MAGI2: variants seen among roughly 807,000 people sequenced by gnomAD.
MAGI2 encodes the protein membrane associated guanylate kinase, WW and PDZ domain containing 2.
A neutral mutation model predicts 133.3 loss-of-function variants in MAGI2; 35 were observed. The ratio of observed to expected loss-of-function variants is 0.26; its 90% CI spans 0.20 to 0.35. The LOEUF is 0.35. MAGI2 is among the 10% of genes least tolerant of loss of function. The pLI is 1.00. For synonymous variants in MAGI2, 729 were observed against 710.6 expected (o/e 1.03, Z -0.41); for missense variants, 1,636 against 1,863.4 (o/e 0.88, Z 2.25).
chr7:79,114,175 C>CTCTAATA (rs776631229), intron 1 of MAGI2, among the ~76,000 whole-genome samples: 3 of 152,164 alleles, frequency 2.0e-5, no homozygotes, highest in Non-Finnish European at 2.9e-5. Flanking sequence ...TTACTAAAGA[C>CTCTAATA]TCTAATATCC....
chr7:78,885,523 G>C (rs1036435363), intron 2 of MAGI2, among the ~76,000 whole-genome samples: 6 of 151,892 alleles, frequency 4.0e-5, no homozygotes, highest in Admixed American at 2.6e-4. Context: ...ACTTTAAGTG[G>C]AACAATCAAA....
At chr7:78,122,779 T>C (rs1305511673) in intron 20 of MAGI2, among the ~76,000 whole-genome samples, 1 of 152,180 alleles carries the variant, frequency 6.6e-6, no homozygotes, top group East Asian at 1.9e-4. Flanking sequence ...TCCCTCCAAA[T>C]GTCTCCTGAT....
At chr7:79,409,301 A>AT (rs1846002531) in intron 1 of MAGI2, among the ~76,000 whole-genome samples, 1 of 151,472 alleles carries the variant, frequency 6.6e-6, no homozygotes, top group African/African-American at 2.4e-5. Context: ...TCTCCCTCTT[A>AT]TTTTTTTAAG....
intron 1 of MAGI2, among the ~76,000 whole-genome samples, chr7:79,148,834 CATATATGTATGTTTTATATAT>C (rs1205645353): frequency 0.016 from 2,369 of 148,268 alleles, 72 homozygotes; most frequent in African/African-American, 0.055. Flanking sequence ...TATATATACA[CATATATGTATGTTTTATATAT>C]ATATATGTAT....
At position 78,311,603 on chromosome 7, in the gene MAGI2, T is replaced by C. The variant is rs1256601959; in HGVS notation, c.1408+32175A>G. ...ACAACTGAAGCTTTTAAAATTAGAA[T>C]GTCATCTGATGCATGAGAACATGTC... On this transcript the variant is annotated intron_variant, in intron 9 of 21. Transcript: ENST00000354212. Among the ~76,000 whole-genome samples, 6 of 152,312 alleles carry C rather than the reference T, an allele frequency of 3.9e-5. No homozygotes were observed. In the East Asian group the frequency reaches 9.6e-4, roughly 24 times the overall value.
chr7:78,820,857 G>T (rs1056244412), intron 2 of MAGI2, among the ~76,000 whole-genome samples: 1 of 151,860 alleles, frequency 6.6e-6, no homozygotes, highest in South Asian at 2.1e-4. Flanking sequence ...TTAGGCTACA[G>T]AAATAAGAAT....
At chr7:79,117,131 T>A (rs1468755099) in intron 1 of MAGI2, among the ~76,000 whole-genome samples, 1 of 152,312 alleles carries the variant, frequency 6.6e-6, no homozygotes, top group South Asian at 2.1e-4. Context: ...ATAATTTAAA[T>A]ATATATAATG....
rs199808505 is a variant in MAGI2 at position 79,015,352 on chromosome 7, C to T, written c.302-8146G>A. Among the ~76,000 whole-genome samples the T allele has an allele frequency of 7.2e-5, 11 of 151,824 alleles. No homozygotes were observed. The South Asian group carries it at 1.0e-3, about 14-fold the overall frequency. ...AGGTCAGTCCTCTAATATTTTTTTTCAACCTGCTGACACTTAAAAACTCTC... is the reference window on the plus strand; with the variant it reads ...AGGTCAGTCCTCTAATATTTTTTTTTAACCTGCTGACACTTAAAAACTCTC... On this transcript the variant is annotated intron_variant, in intron 1 of 21. Transcript: ENST00000354212.
intron 2 of MAGI2, among the ~76,000 whole-genome samples, chr7:78,840,234 T>C (rs959064824): frequency 1.3e-5 from 2 of 152,098 alleles, no homozygotes; most frequent in East Asian, 1.9e-4. Context: ...TAGAACTAAA[T>C]GGTCCTACAT....
intron 5 of MAGI2, among the ~76,000 whole-genome samples, chr7:78,492,304 A>G (rs897385488): frequency 2.0e-5 from 3 of 152,016 alleles, no homozygotes; most frequent in African/African-American, 7.2e-5. Context: ...TGACAGATTG[A>G]GTCTCTTATA....
intron 2 of MAGI2, among the ~76,000 whole-genome samples, chr7:78,711,023 T>G (rs1215523757): frequency 6.6e-6 from 1 of 152,180 alleles, no homozygotes; most frequent in Admixed American, 6.5e-5. Flanking sequence ...ATAAATTCTC[T>G]TTGTAGTCTA....
rs906792655 is a variant in MAGI2 at position 79,131,947 on chromosome 7, C to T, written c.302-124741G>A. Among the ~76,000 whole-genome samples, 8 of 152,136 alleles carry T rather than the reference C, an allele frequency of 5.3e-5. No individual in the cohort carries two copies. The East Asian group carries it at 9.7e-4, about 18-fold the overall frequency. On this transcript the variant is annotated intron_variant, in intron 1 of 21. Coordinates refer to ENST00000354212, the MANE Select transcript of MAGI2 (RefSeq NM_012301.4). ...TATTTAGTATAATATTACTTAAATA[C>T]GTGTAAACACAAAACCAGATATTAA...
At chr7:79,341,444 G>A (rs1528262) in intron 1 of MAGI2, among the ~76,000 whole-genome samples, 144,259 of 152,136 alleles carry the variant, frequency 0.95, 68,542 homozygotes, top group Non-Finnish European at 0.98. Context: ...TAGTTCTTGG[G>A]TTGAGTATTT....
At chr7:79,132,917 T>C (rs1821065442) in intron 1 of MAGI2, among the ~76,000 whole-genome samples, 1 of 152,178 alleles carries the variant, frequency 6.6e-6, no homozygotes, top group South Asian at 2.1e-4. Context: ...CTGAGCATTT[T>C]TTCCTATGTT....
At chr7:78,406,790 G>T (rs1437120364) in intron 6 of MAGI2, among the ~76,000 whole-genome samples, 2 of 152,056 alleles carry the variant, frequency 1.3e-5, no homozygotes, top group South Asian at 2.1e-4. Flanking sequence ...TAAGGATAAA[G>T]CTGTGAGCTC....
intron 1 of MAGI2, among the ~76,000 whole-genome samples, chr7:79,336,539 A>G (rs1840451818): frequency 6.6e-6 from 1 of 152,150 alleles, no homozygotes; most frequent in Admixed American, 6.6e-5. Flanking sequence ...TTTCATTTAT[A>G]ATGTACGTAT....
At chr7:79,426,612 A>T (rs1210290560) in intron 1 of MAGI2, among the ~76,000 whole-genome samples, 2 of 152,190 alleles carry the variant, frequency 1.3e-5, no homozygotes, top group Non-Finnish European at 2.9e-5. Flanking sequence ...ATATAACTAG[A>T]ATCATCAAAG....
chr7:79,134,716 G>T (rs369633925), intron 1 of MAGI2, among the ~76,000 whole-genome samples: 1 of 152,150 alleles, frequency 6.6e-6, no homozygotes, highest in South Asian at 2.1e-4. Context: ...TCAATATTAA[G>T]ATTTAAGAAA....
At chr7:79,286,504 T>C (rs1273121442) in intron 1 of MAGI2, among the ~76,000 whole-genome samples, 1 of 151,844 alleles carries the variant, frequency 6.6e-6, no homozygotes, top group Admixed American at 6.6e-5. Flanking sequence ...AGGGTGAATA[T>C]GGGGGAAAAA....
Sources: gnomAD v4.1 joint callset for allele counts (sites outside exome capture counted in the v4.1 genomes callset) on GRCh38, gnomAD v4.1.1 for gene constraint, MANE v1.5 for transcripts, NCBI Gene and HGNC (gene_info 2026-07-23, HGNC 2026-07-21) for gene names.